The following MACO1 variants were observed in gnomAD, a reference collection of about 807,000 sequenced individuals.
MACO1 encodes macoilin.
Under a neutral mutation model 78.7 loss-of-function variants are expected in MACO1, and 14 were observed. That is an observed-to-expected ratio of 0.18 (90% CI 0.12 to 0.28). The LOEUF is 0.28. MACO1 is among the 10% of genes least tolerant of loss of function. The pLI is 1.00. For missense variants in MACO1, 501 were observed against 799.0 expected (o/e 0.63, Z 4.50); for synonymous variants, 288 against 291.6 (o/e 0.99, Z 0.12).
In MACO1 at chr1:25,459,064, A is replaced by C. The variant is rs117403936; in HGVS notation, c.1154+172A>C. On this transcript the variant is annotated intron_variant, in intron 6 of 10. Coordinates refer to ENST00000374343, the MANE Select transcript of MACO1 (RefSeq NM_018202.6). ...CTTGTGTTATTGTGTTGAAGCATTG[A>C]TTTCAGCTCTTTGCAGTGTTCTGAA... 5.3e-5 allele frequency among the ~76,000 whole-genome samples: 8 copies of C among 152,288 alleles called. No homozygotes were observed. The East Asian group carries it at 9.6e-4, about 18-fold the overall frequency.
chr1:25,461,871 A>G (rs2043175375), intron 6 of MACO1, among the ~76,000 whole-genome samples: 1 of 152,110 alleles, frequency 6.6e-6, no homozygotes, highest in African/African-American at 2.4e-5. Context: ...TTTTCTTTTT[A>G]TTTTCATACA....
rs557513567 is a variant in MACO1, at chr1:25,486,137, G to A, written c.1496+342G>A. ...ATTGAGAGATTCTATCTGGAAGTTC[G>A]TTCCCTTTAGAGAGCTATCATTACT... On this transcript the variant is annotated intron_variant, in intron 8 of 10. Transcript: ENST00000374343. Among the ~76,000 whole-genome samples the A allele has an allele frequency of 7.9e-5, 12 of 152,242 alleles. No homozygotes were observed. In the South Asian group the frequency reaches 2.3e-3, roughly 29 times the overall value.
intron 9 of MACO1, among the ~76,000 whole-genome samples, chr1:25,489,546 A>G (rs1300048966): frequency 1.3e-5 from 2 of 152,166 alleles, no homozygotes; most frequent in African/African-American, 4.8e-5. Flanking sequence ...ACCAGGATTT[A>G]ACTTGCTGTA....
At chr1:25,463,439 C>G (rs2043188782) in intron 6 of MACO1, among the ~76,000 whole-genome samples, 1 of 152,164 alleles carries the variant, frequency 6.6e-6, no homozygotes, top group African/African-American at 2.4e-5. Flanking sequence ...GTTTTAGAAA[C>G]ATATACCTTA....
intron 6 of MACO1, among the ~76,000 whole-genome samples, chr1:25,477,936 A>G (rs1366239172): frequency 6.6e-6 from 1 of 152,172 alleles, no homozygotes; most frequent in Non-Finnish European, 1.5e-5. Flanking sequence ...CATTTCAACT[A>G]AAAGCTAATA....
At chr1:25,436,693 G>GA (rs2042921844) in intron 1 of MACO1, among the ~76,000 whole-genome samples, 1 of 152,166 alleles carries the variant, frequency 6.6e-6, no homozygotes, top group African/African-American at 2.4e-5. Context: ...ATGGAAGCTT[G>GA]AAAAAAGTTA....
At chr1:25,475,571 GA>G (rs1156404162) in intron 6 of MACO1, among the ~76,000 whole-genome samples, 1 of 150,348 alleles carries the variant, frequency 6.7e-6, no homozygotes, top group East Asian at 1.9e-4. Flanking sequence ...AAAAAAAAAG[GA>G]AAAAAAGTAA....
chr1:25,458,905 G>A lies in MACO1; in HGVS notation c.1154+13G>A, dbSNP rs2043147495. 1 of 1,601,544 alleles carries A rather than the reference G, an allele frequency of 6.2e-7. No homozygotes were observed. Among genetic ancestry groups the A allele is most frequent in the Admixed American group, 1.7e-5 (1 of 58,264 alleles). Reference sequence around the variant, plus strand: ...ACGCACTGGTCAGGTAAGTGCACATGCTGCATCCTTACTAACACTTTCCAG... The same window carrying A: ...ACGCACTGGTCAGGTAAGTGCACATACTGCATCCTTACTAACACTTTCCAG... On this transcript the variant is annotated intron_variant, in intron 6 of 10. Transcript: ENST00000374343.
In MACO1 at chr1:25,430,934, G is replaced by GC. The variant is rs1389587805; in HGVS notation, c.-158dup. 9 of 471,304 alleles carry GC rather than the reference G, an allele frequency of 1.9e-5. No homozygotes were observed. The highest frequency in any genetic ancestry group is 4.4e-5 in the Admixed American group (1 of 22,546). 29.2% of individuals were successfully genotyped at this position (471,304 alleles called of 1,614,324 possible). A position where few individuals can be genotyped will look rare whatever the true frequency, so the allele number is the denominator to read the frequency against. On this transcript the variant is annotated 5_prime_UTR_variant, in exon 1 of 11. Coordinates refer to ENST00000374343, the MANE Select transcript of MACO1 (RefSeq NM_018202.6). ...TTTCCGAAGGCGGAGGAGGCTCCGAGCCCCCCCTCCCCGTGCTACCCCCTC... is the reference window on the plus strand; with the variant it reads ...TTTCCGAAGGCGGAGGAGGCTCCGAGCCCCCCCCTCCCCGTGCTACCCCCTC...
chr1:25,460,535 G>T (rs958622053), intron 6 of MACO1, among the ~76,000 whole-genome samples: 4 of 151,850 alleles, frequency 2.6e-5, no homozygotes, highest in African/African-American at 7.3e-5. Flanking sequence ...CTCCTGTGTA[G>T]CTGGGACTAC....
chr1:25,479,234 C>T (rs1037741894), intron 6 of MACO1, among the ~76,000 whole-genome samples: 1 of 152,158 alleles, frequency 6.6e-6, no homozygotes, highest in African/African-American at 2.4e-5. Context: ...AACCTTTTAA[C>T]ACCACTTAAT....
intron 6 of MACO1, among the ~76,000 whole-genome samples, chr1:25,479,450 G>C (rs1490385205): frequency 6.6e-6 from 1 of 151,776 alleles, no homozygotes. Flanking sequence ...GTCTCTCTCT[G>C]TCGCCCAGAC....
In MACO1 at chr1:25,454,445, TG is replaced by T; in HGVS notation, c.473+64del. ...ATGTGTGTATGTATATATATGTGTG[TG>T]TGTGTGTGTGTGTGTGTGTGTGTGT... On this transcript the variant is annotated intron_variant, in intron 4 of 10. Transcript: ENST00000374343. 4 of 163,632 alleles carry T rather than the reference TG, an allele frequency of 2.4e-5. No individual in the cohort carries two copies. In the East Asian group the frequency reaches 8.5e-4, roughly 35 times the overall value. 10.1% of individuals were successfully genotyped at this position (163,632 alleles called of 1,614,324 possible).
chr1:25,493,802 G>C (rs563570995), intron 10 of MACO1, among the ~76,000 whole-genome samples: 1 of 141,514 alleles, frequency 7.1e-6, no homozygotes, highest in South Asian at 2.2e-4. Flanking sequence ...GCACGATCTC[G>C]GTGCACTGCA....
chr1:25,453,660 CAAA>C (rs532604219), intron 3 of MACO1, among the ~76,000 whole-genome samples: 2 of 69,150 alleles, frequency 2.9e-5, no homozygotes, highest in African/African-American at 5.1e-5. Context: ...GAGACTCCCT[CAAA>C]AAAAAAAAAA....
At chr1:25,443,933 A>C (rs897593829) in intron 1 of MACO1, among the ~76,000 whole-genome samples, 1 of 142,802 alleles carries the variant, frequency 7.0e-6, no homozygotes, top group African/African-American at 2.6e-5. Context: ...ATATATTTCC[A>C]TGCCCTTTTT....
At chr1:25,448,235 C>T (rs183781475) in intron 2 of MACO1, among the ~76,000 whole-genome samples, 77 of 152,144 alleles carry the variant, frequency 5.1e-4, no homozygotes, top group African/African-American at 1.8e-3. Context: ...GAGGCCAAGG[C>T]GGGCGGATCA....
In MACO1 at chr1:25,430,941, C is replaced by A. The variant is rs371687493; in HGVS notation, c.-158C>A. 1.3e-5 allele frequency: 6 copies of A among 465,176 alleles called. No homozygotes were observed. The highest frequency in any genetic ancestry group is 8.9e-5 in the Admixed American group (2 of 22,408). 28.8% of individuals were successfully genotyped at this position (465,176 alleles called of 1,614,324 possible). ...AGGCGGAGGAGGCTCCGAGCCCCCC[C>A]TCCCCGTGCTACCCCCTCCCCCCGG... On this transcript the variant is annotated 5_prime_UTR_variant, in exon 1 of 11. Transcript: ENST00000374343.
At chr1:25,496,853 T>C (rs2043541636) in intron 10 of MACO1, among the ~76,000 whole-genome samples, 1 of 152,216 alleles carries the variant, frequency 6.6e-6, no homozygotes, top group African/African-American at 2.4e-5. Context: ...CTGCAGGGAA[T>C]TGAATCCTGG....
Sources: allele counts gnomAD v4.1 joint callset (sites outside exome capture counted in the v4.1 genomes callset), GRCh38; gene constraint gnomAD v4.1.1; transcripts MANE v1.5; gene names NCBI Gene and HGNC (gene_info 2026-07-23, HGNC 2026-07-21).